Variants in CCDC77 observed in about 807,000 individuals in gnomAD.
The protein encoded by CCDC77 is coiled-coil domain containing 77.
Under a neutral mutation model 66.8 loss-of-function variants are expected in CCDC77, and 56 were observed. The observed-to-expected ratio is 0.84, with a 90% CI of 0.68 to 1.05. The LOEUF (loss-of-function observed/expected upper bound fraction) is 1.05. Ranked by LOEUF, CCDC77 falls within the 50% of genes least tolerant of loss-of-function variation. The probability of loss-of-function intolerance (pLI) is 0.00; values close to 1 mark genes in which losing one functional copy is unlikely to be tolerated. For missense variants in CCDC77, 570 were observed against 576.8 expected (o/e 0.99, Z 0.12); for synonymous variants, 196 against 195.2 (o/e 1.00, Z -0.03).
chr12:410,934 GTC>G (rs1945096404), intron 3 of CCDC77, among the ~76,000 whole-genome samples: 1 of 151,614 alleles, frequency 6.6e-6, no homozygotes, highest in African/African-American at 2.4e-5. Context: ...TATCTTTTTC[GTC>G]TCTAATGGAT....
In CCDC77 at chr12:438,506, G is replaced by A; in HGVS notation, c.993G>A (p.Val331=). The A allele has an allele frequency of 1.2e-6, 2 of 1,614,032 alleles. No individual in the cohort carries two copies. The highest frequency in any genetic ancestry group is 1.7e-6 in the Non-Finnish European group (2 of 1,179,920). The change falls in exon 10 of 13, where the codon GTG becomes GTA. Residue 331 remains valine (V), a synonymous_variant. Coordinates refer to ENST00000239830, the MANE Select transcript of CCDC77 (RefSeq NM_032358.4). ...CKKKEDKIGK[V]LPVMHESHHA... ...AGAAAGAAGATAAAATTGGAAAAGT[G>A]TTGCCCGTTATGCATGAGAGTCACC... is the stretch of plus-strand genomic sequence containing the variant.
At chr12:440,374 G>C (rs4980820) in intron 10 of CCDC77, among the ~76,000 whole-genome samples, 150,415 of 152,352 alleles carry the variant, frequency 0.99, 74,289 homozygotes, top group South Asian at 1. Context: ...CGTTATCTGA[G>C]TCTTCCCAGA....
rs753906859 is a variant in CCDC77 at position 441,785 on chromosome 12, T to C, written c.1332T>C (p.Asn444=). 19 of 1,611,212 alleles carry C rather than the reference T, an allele frequency of 1.2e-5. No individual in the cohort carries two copies. Among genetic ancestry groups the C allele is most frequent in the Non-Finnish European group, 1.6e-5 (19 of 1,178,702 alleles). The change falls in exon 13 of 13, where the codon AAT becomes AAC. Residue 444 remains asparagine (N), a synonymous_variant. Transcript: ENST00000239830. Reference sequence around the variant, plus strand: ...TTTCAAACCCCTAGGCAACAGTTAATGCCCGGGCAAACCAGGATCTTGCCC... The same window carrying C: ...TTTCAAACCCCTAGGCAACAGTTAACGCCCGGGCAAACCAGGATCTTGCCC... ...LEQMLYKATV[N]ARANQDLALL... is the part of the protein sequence containing the mutation.
intron 4 of CCDC77, among the ~76,000 whole-genome samples, chr12:415,741 G>T (rs28850111): frequency 0.38 from 57,143 of 151,254 alleles, 11,580 homozygotes; most frequent in African/African-American, 0.54. Flanking sequence ...CAAGCAATCC[G>T]CCTGCCTCAG....
chr12:404,249 G>A (rs1378446732), intron 1 of CCDC77, among the ~76,000 whole-genome samples: 2 of 152,230 alleles, frequency 1.3e-5, no homozygotes, highest in East Asian at 3.9e-4. Context: ...CCAGGAGGTG[G>A]AGGTTGCAGT....
chr12:433,881 T>A (rs1036346715), intron 9 of CCDC77, among the ~76,000 whole-genome samples: 1 of 152,174 alleles, frequency 6.6e-6, no homozygotes, highest in East Asian at 1.9e-4. Context: ...GGCAGGATTA[T>A]ATTTTTTTCT....
rs1450163077 is a variant in CCDC77, at chr12:440,675, G to A, written c.1100G>A (p.Cys367Tyr). 8 of 1,614,194 alleles carry A rather than the reference G, an allele frequency of 5.0e-6. No individual in the cohort carries two copies. The highest frequency in any genetic ancestry group is 6.8e-6 in the Non-Finnish European group (8 of 1,180,036). The change falls in exon 11 of 13, where the codon TGC (cysteine) becomes TAC (tyrosine). Residue 367 changes from cysteine to tyrosine, a missense_variant. Transcript: ENST00000239830. The part of the protein sequence containing the change: ...KKLSNMYQEQ[C>Y]ISLEEELARI... ...CTGTCCAATATGTACCAAGAGCAGT[G>A]CATTTCCTTAGAAGAAGAACTTGCC...
chr12:403,731 G>A (rs534758052), intron 1 of CCDC77, among the ~76,000 whole-genome samples: 47 of 152,270 alleles, frequency 3.1e-4, no homozygotes, highest in African/African-American at 1.1e-3. Flanking sequence ...ACCTCCAGCA[G>A]TCCATTCACC....
intron 4 of CCDC77, among the ~76,000 whole-genome samples, chr12:416,387 A>G (rs1381754693): frequency 5.9e-4 from 25 of 42,452 alleles, no homozygotes; most frequent in Admixed American, 2.5e-3. Flanking sequence ...GTATATATAT[A>G]TATATATATA....
At chr12:393,390 G>A (rs1412788338) in intron 1 of CCDC77, among the ~76,000 whole-genome samples, 2 of 152,094 alleles carry the variant, frequency 1.3e-5, no homozygotes, top group Non-Finnish European at 2.9e-5. Context: ...TGCGATTACA[G>A]GCATGAGCCA....
Position 431,878 on chromosome 12 carries a change from G to A in CCDC77, c.596G>A (p.Ser199Asn). Residue 199 changes from serine (S) to asparagine (N), a missense_variant, in exon 8 of 13, where the codon AGC becomes AAC. By Grantham distance (46) the Ser-to-Asn change is conservative. Coordinates refer to ENST00000239830, the MANE Select transcript of CCDC77 (RefSeq NM_032358.4). ...SSAFKADPKISKRRPSRERKE... is the reference protein window; with the variant it reads ...SSAFKADPKINKRRPSRERKE... ...TTTTCTATTTTAGATCCTAAAATAA[G>A]CAAAAGAAGACCATCGAGAGAGAGA... The A allele has an allele frequency of 6.2e-7, 1 of 1,604,948 alleles. No individual in the cohort carries two copies. The highest frequency in any genetic ancestry group is 8.5e-7 in the Non-Finnish European group (1 of 1,175,338).
At chr12:436,043 C>T (rs1945742768) in intron 9 of CCDC77, among the ~76,000 whole-genome samples, 2 of 151,838 alleles carry the variant, frequency 1.3e-5, no homozygotes, top group African/African-American at 4.8e-5. Flanking sequence ...CCCAGCCTTG[C>T]ACTCTCATTC....
chr12:403,580 G>A (rs980907876), intron 1 of CCDC77, among the ~76,000 whole-genome samples: 2 of 152,194 alleles, frequency 1.3e-5, no homozygotes, highest in Non-Finnish European at 2.9e-5. Context: ...TGCAGCCTCT[G>A]CCTCCCAAGC....
At chr12:392,963 CT>C (rs1187148367) in intron 1 of CCDC77, among the ~76,000 whole-genome samples, 33 of 146,754 alleles carry the variant, frequency 2.2e-4, no homozygotes, top group South Asian at 4.3e-4. Flanking sequence ...ATTTTTTGTA[CT>C]TTTTTTTTTA....
intron 9 of CCDC77, among the ~76,000 whole-genome samples, chr12:436,261 G>A (rs1215732215): frequency 2.6e-5 from 4 of 151,650 alleles, no homozygotes; most frequent in Non-Finnish European, 5.9e-5. Flanking sequence ...GGGACTACAG[G>A]CGCCCACCAC....
At chr12:423,494 G>GTTTTTTTTTTT (rs56233976) in intron 5 of CCDC77, among the ~76,000 whole-genome samples, 3 of 35,414 alleles carry the variant, frequency 8.5e-5, no homozygotes, top group African/African-American at 2.4e-4. Context: ...TTTTTGTTTT[G>GTTTTTTTTTTT]TTTTTTTTTT....
intron 1 of CCDC77, among the ~76,000 whole-genome samples, chr12:395,891 C>T (rs1173746886): frequency 6.6e-6 from 1 of 151,780 alleles, no homozygotes; most frequent in Admixed American, 6.6e-5. Context: ...GAGACTCTGT[C>T]TCAAAATAAA....
chr12:409,252 C>G (rs971556380), intron 2 of CCDC77, 116 bp from the exon 3 acceptor site: 5 of 686,836 alleles, frequency 7.3e-6, no homozygotes, highest in Middle Eastern at 2.8e-4. Flanking sequence ...TTTAAAACAT[C>G]AGATTCTTTC....
chr12:399,765 T>C (rs558101524), upstream of CCDC77, among the ~76,000 whole-genome samples: 141 of 152,376 alleles, frequency 9.3e-4, 2 homozygotes, highest in Middle Eastern at 0.034. Context: ...GTTCCATTTA[T>C]AGAGCACAGG....
Sources: allele counts gnomAD v4.1 joint callset (sites outside exome capture counted in the v4.1 genomes callset), GRCh38; gene constraint gnomAD v4.1.1; transcripts MANE v1.5; gene names NCBI Gene and HGNC (gene_info 2026-07-23, HGNC 2026-07-21).